The following LHFPL3 variants were observed in gnomAD, a reference collection of about 807,000 sequenced individuals.
LHFPL3 encodes the protein LHFPL tetraspan subfamily member 3, also known as LHFPL tetraspan subfamily member 3 protein.
LHFPL3 carries 5 observed loss-of-function variants against 19.3 expected under a neutral mutation model. That is an observed-to-expected ratio of 0.26 (90% CI 0.14 to 0.54). The LOEUF is 0.54. Among genes scored for constraint, LHFPL3 ranks in the 20% least tolerant of loss-of-function variants. The pLI is 0.94. For missense variants in LHFPL3, 249 were observed against 307.4 expected, an observed-to-expected ratio of 0.81 and a Z score of 1.42; for synonymous variants, 133 against 126.2, an observed-to-expected ratio of 1.05 and a Z score of -0.36.
chr7:104,509,581 T>C (rs1001797936), intron 1 of LHFPL3, among the ~76,000 whole-genome samples: 1 of 151,892 alleles, frequency 6.6e-6, no homozygotes, highest in South Asian at 2.1e-4. Flanking sequence ...AGAGTGAAAC[T>C]TTCTCAACGT....
At chr7:104,433,886 C>G (rs940515888) in intron 1 of LHFPL3, among the ~76,000 whole-genome samples, 6 of 152,100 alleles carry the variant, frequency 3.9e-5, no homozygotes, top group African/African-American at 1.4e-4. Context: ...TAGCACAGTG[C>G]CCGGCACACA....
chr7:104,737,344 A>G (rs567771088), intron 2 of LHFPL3, among the ~76,000 whole-genome samples: 1 of 152,312 alleles, frequency 6.6e-6, no homozygotes, highest in Admixed American at 6.5e-5. Context: ...ATATATCTTT[A>G]TTAAACTATT....
chr7:104,618,430 G>A (rs556312978), intron 1 of LHFPL3, among the ~76,000 whole-genome samples: 20 of 152,106 alleles, frequency 1.3e-4, no homozygotes, highest in African/African-American at 1.2e-4. Flanking sequence ...TGCCCAAAGC[G>A]TCATGGCTGG....
At chr7:104,859,504 A>G (rs537718636) in intron 2 of LHFPL3, among the ~76,000 whole-genome samples, 1 of 151,880 alleles carries the variant, frequency 6.6e-6, no homozygotes, top group African/African-American at 2.4e-5. Flanking sequence ...CCCCATCTCT[A>G]CCAAAAACAC....
chr7:104,382,824 G>A (rs960444177), intron 1 of LHFPL3, among the ~76,000 whole-genome samples: 27 of 152,190 alleles, frequency 1.8e-4, no homozygotes, highest in African/African-American at 6.0e-4. Context: ...ACCTTTCAGG[G>A]CTCTGGCACT....
At chr7:104,760,279 T>C (rs1794350750) in intron 2 of LHFPL3, among the ~76,000 whole-genome samples, 1 of 152,226 alleles carries the variant, frequency 6.6e-6, no homozygotes, top group African/African-American at 2.4e-5. Flanking sequence ...CAAACTTTGA[T>C]TTATAAACCT....
chr7:104,413,247 A>T (rs1024118721), intron 1 of LHFPL3, among the ~76,000 whole-genome samples: 1 of 152,148 alleles, frequency 6.6e-6, no homozygotes, highest in African/African-American at 2.4e-5. Flanking sequence ...AATGAATTTG[A>T]TGTTGTTAAA....
chr7:104,554,640 CAGATAGATAGAT>C (rs55796324), intron 1 of LHFPL3, among the ~76,000 whole-genome samples: 3,257 of 143,950 alleles, frequency 0.023, 49 homozygotes, highest in Middle Eastern at 0.034. Context: ...ATTAGATAGA[CAGATAGATAGAT>C]AGATAGATAG....
intron 1 of LHFPL3, among the ~76,000 whole-genome samples, chr7:104,684,500 C>T (rs1792770005): frequency 6.6e-6 from 1 of 152,248 alleles, no homozygotes; most frequent in South Asian, 2.1e-4. Context: ...TTTGTGAACA[C>T]TGAAATTTGA....
chr7:104,502,115 T>C (rs1793607335), intron 1 of LHFPL3, among the ~76,000 whole-genome samples: 2 of 152,318 alleles, frequency 1.3e-5, no homozygotes, highest in South Asian at 2.1e-4. Flanking sequence ...CATACCAATA[T>C]TGAGATTGTA....
intron 2 of LHFPL3, among the ~76,000 whole-genome samples, chr7:104,738,278 T>C (rs1320974193): frequency 6.6e-6 from 1 of 152,190 alleles, no homozygotes; most frequent in African/African-American, 2.4e-5. Flanking sequence ...CATTATAGAT[T>C]TTGTGCTTTC....
intron 1 of LHFPL3, among the ~76,000 whole-genome samples, chr7:104,590,490 A>C (rs1411720621): frequency 6.6e-6 from 1 of 152,052 alleles, no homozygotes; most frequent in African/African-American, 2.4e-5. Context: ...GTTTGTTATA[A>C]TTTCTGTTCT....
intron 1 of LHFPL3, among the ~76,000 whole-genome samples, chr7:104,731,486 T>C (rs1269433771): frequency 6.6e-6 from 1 of 152,216 alleles, no homozygotes; most frequent in Non-Finnish European, 1.5e-5. Flanking sequence ...TTTGAAGCAA[T>C]TGTGAATGGG....
chr7:104,411,511 C>A (rs1397763062), intron 1 of LHFPL3, among the ~76,000 whole-genome samples: 1 of 152,026 alleles, frequency 6.6e-6, no homozygotes. Flanking sequence ...GGTAACATTC[C>A]TTTAAGGGCC....
intron 1 of LHFPL3, among the ~76,000 whole-genome samples, chr7:104,430,470 T>A (rs1156355038): frequency 1.1e-3 from 38 of 35,076 alleles, no homozygotes; most frequent in African/African-American, 6.0e-3. Context: ...TTTTTTTTTT[T>A]TTTTTTTTTT....
At chr7:104,504,527 T>G (rs994310524) in intron 1 of LHFPL3, among the ~76,000 whole-genome samples, 1 of 152,224 alleles carries the variant, frequency 6.6e-6, no homozygotes, top group Non-Finnish European at 1.5e-5. Flanking sequence ...AGCAGTGATG[T>G]TAAAAGCAAT....
intron 1 of LHFPL3, among the ~76,000 whole-genome samples, chr7:104,388,627 A>G (rs745807613): frequency 6.6e-6 from 1 of 152,188 alleles, no homozygotes; most frequent in Non-Finnish European, 1.5e-5. Flanking sequence ...ATATAGACAC[A>G]AAATCCTCAA....
intron 1 of LHFPL3, among the ~76,000 whole-genome samples, chr7:104,642,684 CTG>C (rs1791858936): frequency 6.6e-6 from 1 of 152,184 alleles, no homozygotes; most frequent in South Asian, 2.1e-4. Flanking sequence ...GCCCTCCTCT[CTG>C]GTTCCTTCCC....
At chr7:104,437,840 G>A (rs1792140750) in intron 1 of LHFPL3, among the ~76,000 whole-genome samples, 1 of 152,088 alleles carries the variant, frequency 6.6e-6, no homozygotes, top group Admixed American at 6.5e-5. Flanking sequence ...ACCATTCAGG[G>A]ATTTTTTTAA....
Sources: allele counts gnomAD v4.1 joint callset (sites outside exome capture counted in the v4.1 genomes callset), GRCh38; gene constraint gnomAD v4.1.1; transcripts MANE v1.5; gene names NCBI Gene and HGNC (gene_info 2026-07-23, HGNC 2026-07-21).